Variants in GRIA2 observed in about 807,000 individuals in gnomAD.
The protein encoded by GRIA2 is glutamate receptor 2.
In GRIA2, 14 loss-of-function variants were observed where a neutral mutation model predicts 97.3. The observed-to-expected ratio is 0.14, with a 90% CI of 0.10 to 0.23. The LOEUF is 0.23. Among genes scored for constraint, GRIA2 ranks in the 10% least tolerant of loss-of-function variants. The pLI, the probability that GRIA2 is intolerant of heterozygous loss-of-function variation, is 1.00. For missense variants in GRIA2, 558 were observed against 1,069.8 expected, an observed-to-expected ratio of 0.52 and a Z score of 6.67; for synonymous variants, 412 against 387.8, an observed-to-expected ratio of 1.06 and a Z score of -0.73.
Position 157,246,857 on chromosome 4 carries a change from A to G in GRIA2, c.229+25050A>G, listed in dbSNP as rs1368713268. Among the ~76,000 whole-genome samples, 4 of 152,156 alleles carry G rather than the reference A, an allele frequency of 2.6e-5. No homozygotes were observed. The South Asian group carries it at 8.3e-4, about 32-fold the overall frequency. ...TGTCTTAGGAAACATACTCAGATAC[A>G]CATGTATTAAATGTACTTGTTCATT... On this transcript the variant is annotated intron_variant, in intron 2 of 15. Transcript: ENST00000264426.
intron 2 of GRIA2, among the ~76,000 whole-genome samples, chr4:157,278,824 A>C (rs930054094): frequency 1.3e-5 from 2 of 152,076 alleles, no homozygotes; most frequent in Non-Finnish European, 2.9e-5. Flanking sequence ...TTGAACACAC[A>C]TCTCATTGAA....
chr4:157,230,659 CTT>C (rs1323519544), intron 2 of GRIA2, among the ~76,000 whole-genome samples: 1 of 150,508 alleles, frequency 6.6e-6, no homozygotes, highest in Non-Finnish European at 1.5e-5. Context: ...TTAAGCATCT[CTT>C]TCATTTGATG....
chr4:157,307,038 A>G (rs552802292), intron 3 of GRIA2, among the ~76,000 whole-genome samples: 2 of 152,102 alleles, frequency 1.3e-5, no homozygotes, highest in Non-Finnish European at 2.9e-5. Context: ...CTCCTTGATT[A>G]TGTGATTATT....
chr4:157,289,792 G>T (rs1241911361), intron 2 of GRIA2, among the ~76,000 whole-genome samples: 1 of 151,642 alleles, frequency 6.6e-6, no homozygotes, highest in African/African-American at 2.4e-5. Context: ...AAAAATAAAA[G>T]AAAAGAATTT....
intron 2 of GRIA2, among the ~76,000 whole-genome samples, chr4:157,272,550 C>T (rs1383309006): frequency 6.6e-6 from 1 of 152,100 alleles, no homozygotes; most frequent in Non-Finnish European, 1.5e-5. Context: ...TCATTGCTCA[C>T]TCCCTTCATC....
intron 2 of GRIA2, among the ~76,000 whole-genome samples, chr4:157,286,183 GA>G (rs1404576654): frequency 1.3e-5 from 2 of 151,410 alleles, no homozygotes; most frequent in Non-Finnish European, 3.0e-5. Context: ...TTTTACAGAT[GA>G]AAATAATTAT....
chr4:157,273,523 A>G (rs994926462), intron 2 of GRIA2, among the ~76,000 whole-genome samples: 1 of 152,102 alleles, frequency 6.6e-6, no homozygotes, highest in Non-Finnish European at 1.5e-5. Flanking sequence ...ACGTAAGCAT[A>G]GATAGAAATT....
chr4:157,235,712 T>C (rs964491317), intron 2 of GRIA2, among the ~76,000 whole-genome samples: 5 of 152,094 alleles, frequency 3.3e-5, no homozygotes, highest in Non-Finnish European at 7.4e-5. Context: ...TATTTGGAGA[T>C]GAAAATTTAT....
At chr4:157,224,501 T>C (rs1173980761) in intron 2 of GRIA2, among the ~76,000 whole-genome samples, 1 of 152,114 alleles carries the variant, frequency 6.6e-6, no homozygotes, top group African/African-American at 2.4e-5. Context: ...AATTTAGAGA[T>C]TGCAAAATGA....
chr4:157,251,916 C>T (rs545978928), intron 2 of GRIA2, among the ~76,000 whole-genome samples: 15 of 152,104 alleles, frequency 9.9e-5, no homozygotes, highest in South Asian at 6.2e-4. Context: ...AGACCCTATA[C>T]GGGGATCTAC....
intron 2 of GRIA2, among the ~76,000 whole-genome samples, chr4:157,289,036 G>T (rs1732971576): frequency 6.6e-6 from 1 of 151,718 alleles, no homozygotes; most frequent in Admixed American, 6.6e-5. Context: ...CAGCTTCATT[G>T]CTGACCTGGG....
chr4:157,355,960 T>A (rs1395386810), intron 12 of GRIA2, among the ~76,000 whole-genome samples: 1 of 43,892 alleles, frequency 2.3e-5, no homozygotes, highest in Admixed American at 5.0e-4. Flanking sequence ...TTTATATATT[T>A]ATGTATATTA....
chr4:157,360,389 TA>T (rs1722923539), intron 13 of GRIA2, among the ~76,000 whole-genome samples: 1 of 152,146 alleles, frequency 6.6e-6, no homozygotes, highest in African/African-American at 2.4e-5. Flanking sequence ...CTTTAAGAGT[TA>T]AAACACATTC....
chr4:157,264,375 C>T (rs1731676716), intron 2 of GRIA2, among the ~76,000 whole-genome samples: 2 of 152,076 alleles, frequency 1.3e-5, no homozygotes, highest in South Asian at 4.1e-4. Context: ...TGCCTTGGCT[C>T]ATGGCCTCCT....
chr4:157,316,230 A>G (rs1297526183), intron 4 of GRIA2, among the ~76,000 whole-genome samples: 1 of 152,172 alleles, frequency 6.6e-6, no homozygotes, highest in Non-Finnish European at 1.5e-5. Context: ...GCTAATTTAT[A>G]TGTTTTTCAT....
chr4:157,291,233 C>T (rs1336155857), intron 2 of GRIA2, among the ~76,000 whole-genome samples: 1 of 151,892 alleles, frequency 6.6e-6, no homozygotes, highest in African/African-American at 2.4e-5. Flanking sequence ...TCCTTTTCAG[C>T]TGTTCATTTG....
chr4:157,338,257 A>C (rs1182425571), intron 11 of GRIA2, among the ~76,000 whole-genome samples: 1 of 151,786 alleles, frequency 6.6e-6, no homozygotes, highest in South Asian at 2.1e-4. Context: ...AAGAACAATG[A>C]AGTATGTTAC....
chr4:157,335,029 T>C (rs1735218213), intron 9 of GRIA2: 1 of 153,230 alleles, frequency 6.5e-6, no homozygotes, highest in South Asian at 2.0e-4. Flanking sequence ...TATTGGACTG[T>C]GTTGATTCAT....
At chr4:157,300,007 AG>A (rs909702903) in intron 2 of GRIA2, among the ~76,000 whole-genome samples, 46 of 151,912 alleles carry the variant, frequency 3.0e-4, no homozygotes, top group African/African-American at 1.0e-3. Flanking sequence ...GTGACTATAT[AG>A]GGTGTTGGTA....
Sources: allele counts gnomAD v4.1 joint callset (sites outside exome capture counted in the v4.1 genomes callset), GRCh38; gene constraint gnomAD v4.1.1; transcripts MANE v1.5; gene names NCBI Gene and HGNC (gene_info 2026-07-23, HGNC 2026-07-21).